The following USP54 variants were observed in gnomAD, a reference collection of about 807,000 sequenced individuals.
USP54 encodes ubiquitin carboxyl-terminal hydrolase 54.
Under a neutral mutation model 170.5 loss-of-function variants are expected in USP54, and 87 were observed. That is an observed-to-expected ratio of 0.51 (90% CI 0.43 to 0.61). USP54 has a LOEUF of 0.61. Among genes scored for constraint, USP54 ranks in the 20% least tolerant of loss-of-function variants. USP54 has a pLI of 0.00. For missense variants in USP54, 1,786 were observed against 2,047.8 expected, an observed-to-expected ratio of 0.87 and a Z score of 2.47; for synonymous variants, 655 against 742.8, an observed-to-expected ratio of 0.88 and a Z score of 1.92.
intron 1 of USP54, among the ~76,000 whole-genome samples, chr10:73,587,543 T>A (rs16930728): frequency 0.035 from 5,359 of 152,240 alleles, 154 homozygotes; most frequent in South Asian, 0.11. Context: ...TAACATGCTT[T>A]TAGTGGAGAT....
intron 11 of USP54, among the ~76,000 whole-genome samples, chr10:73,535,772 G>A (rs186408614): frequency 6.2e-4 from 94 of 152,166 alleles, no homozygotes; most frequent in Middle Eastern, 3.4e-3. Context: ...TCGAACTCCA[G>A]GGCTCAAGTG....
chr10:73,554,679 C>G (rs2070516151), intron 4 of USP54, among the ~76,000 whole-genome samples: 1 of 152,202 alleles, frequency 6.6e-6, no homozygotes, highest in African/African-American at 2.4e-5. Context: ...TCAACTTCAA[C>G]AATTATCAAC....
chr10:73,520,109 G>A, intron 18 of USP54, 117 bp from the exon 19 acceptor site: 1 of 1,405,100 alleles, frequency 7.1e-7, no homozygotes, highest in Non-Finnish European at 9.6e-7. Context: ...ATATGTAGCA[G>A]GAACGCAAGG....
intron 1 of USP54, among the ~76,000 whole-genome samples, chr10:73,587,461 C>A (rs967624273): frequency 2.6e-5 from 4 of 151,486 alleles, no homozygotes; most frequent in Non-Finnish European, 4.4e-5. Context: ...GGCAACAGAG[C>A]GAGACTCCAT....
chr10:73,521,169 T>C lies in USP54; in HGVS notation c.2363-142A>G, dbSNP rs1589978477. The C allele has an allele frequency of 4.8e-5, 58 of 1,208,024 alleles. No individual in the cohort carries two copies. In the East Asian group the frequency reaches 1.4e-3, roughly 30 times the overall value. 74.8% of individuals were successfully genotyped at this position (1,208,024 alleles called of 1,614,324 possible). On this transcript the variant is annotated intron_variant, in intron 17 of 23. Coordinates refer to ENST00000687698, the MANE Select transcript of USP54 (RefSeq NM_001391956.1). ...TCCAACTGTCTATTCCTATTAAGAA[T>C]TATCTGAAAACAAGCAGGACATCCA...
rs1468954417 is a variant in USP54 at position 73,516,596 on chromosome 10, C to T, written c.3830G>A (p.Gly1277Glu). Residue 1277 changes from glycine to glutamate, a missense_variant, in exon 20 of 24, where the codon GGG (glycine) becomes GAG (glutamate). Transcript: ENST00000687698. ...GGACTTCATTCCTGGCCTAGGTGCC[C>T]CATGCTTAAGCTGAGAATCACAGAA... ...TRFCDSQLKH[G>E]APRPGMKSSP... The T allele has an allele frequency of 6.2e-7, 1 of 1,614,188 alleles. No homozygotes were observed. Among genetic ancestry groups the T allele is most frequent in the Non-Finnish European group, 8.5e-7 (1 of 1,180,028 alleles).
At chr10:73,539,936 GC>G (rs2044483935) in intron 9 of USP54, among the ~76,000 whole-genome samples, 1 of 151,704 alleles carries the variant, frequency 6.6e-6, no homozygotes, top group African/African-American at 2.4e-5. Flanking sequence ...GACCAGCCTG[GC>G]CAACATAGTG....
intron 4 of USP54, among the ~76,000 whole-genome samples, chr10:73,561,104 CAAAAAAAA>C (rs919887025): frequency 3.3e-5 from 1 of 30,492 alleles, no homozygotes; most frequent in Non-Finnish European, 8.0e-5. Context: ...GACTCCATCT[CAAAAAAAA>C]AAAAAAAAAA....
chr10:73,620,755 T>A (rs2081027283), intron 1 of USP54, among the ~76,000 whole-genome samples: 1 of 150,370 alleles, frequency 6.7e-6, no homozygotes, highest in Non-Finnish European at 1.5e-5. Flanking sequence ...CTGCCCAACA[T>A]GGTGAAACCC....
rs183087242 is a variant in USP54, at chr10:73,609,506, G to A, written c.-18+16061C>T. 8.0e-4 allele frequency among the ~76,000 whole-genome samples: 121 copies of A among 152,118 alleles called. No homozygotes were observed. The East Asian group carries it at 0.012, about 15-fold the overall frequency. ...GTGGGCGAATCACTTGAGGTCAGGAGTTCAAGACCAACCTGGCCAACATGG... is the reference window on the plus strand; with the variant it reads ...GTGGGCGAATCACTTGAGGTCAGGAATTCAAGACCAACCTGGCCAACATGG... On this transcript the variant is annotated intron_variant, in intron 1 of 22. Coordinates refer to the USP54 transcript ENST00000339859.
chr10:73,574,076 G>A (rs898917434), intron 3 of USP54, among the ~76,000 whole-genome samples: 1 of 152,172 alleles, frequency 6.6e-6, no homozygotes, highest in Non-Finnish European at 1.5e-5. Flanking sequence ...TTACACTGAA[G>A]AGCAGAAAAG....
At chr10:73,537,472 A>G (rs1201245326) in intron 10 of USP54, among the ~76,000 whole-genome samples, 2 of 152,154 alleles carry the variant, frequency 1.3e-5, no homozygotes, top group Non-Finnish European at 2.9e-5. Flanking sequence ...TAACTCATGC[A>G]GATCACATAA....
chr10:73,540,110 AAAAG>A (rs895725559), intron 9 of USP54, among the ~76,000 whole-genome samples: 12 of 152,052 alleles, frequency 7.9e-5, no homozygotes, highest in African/African-American at 1.7e-4. Context: ...CCATCTCAAA[AAAAG>A]AAAGAAAGAA....
intron 1 of USP54, among the ~76,000 whole-genome samples, chr10:73,618,068 G>T (rs1564968353): frequency 6.7e-6 from 1 of 149,562 alleles, no homozygotes; most frequent in Admixed American, 6.6e-5. Flanking sequence ...AAAATTAGCC[G>T]AGCTTGGTGG....
chr10:73,592,125 T>C (rs2078307224), upstream of USP54, among the ~76,000 whole-genome samples: 1 of 151,692 alleles, frequency 6.6e-6, no homozygotes, highest in Non-Finnish European at 1.5e-5. Context: ...ATGTGATCAG[T>C]CAACCGAGAA....
intron 1 of USP54, among the ~76,000 whole-genome samples, chr10:73,583,568 G>C (rs2077134076): frequency 6.6e-6 from 1 of 152,152 alleles, no homozygotes; most frequent in African/African-American, 2.4e-5. Context: ...TTACAGGCGT[G>C]AGCCACTGCA....
chr10:73,534,427 T>C (rs1483348508), intron 12 of USP54, among the ~76,000 whole-genome samples, 173 bp downstream of exon 12: 1 of 152,102 alleles, frequency 6.6e-6, no homozygotes, highest in Non-Finnish European at 1.5e-5. Context: ...TTAGCCAGGA[T>C]GGTCTCCATC....
chr10:73,527,988 T>G (rs1409059423), intron 15 of USP54, among the ~76,000 whole-genome samples: 1 of 152,084 alleles, frequency 6.6e-6, no homozygotes, highest in African/African-American at 2.4e-5. Flanking sequence ...CAGGCTGGAG[T>G]GCAGTGACGT....
chr10:73,591,374 G>C (rs929926413), upstream of USP54: 2 of 152,160 alleles, frequency 1.3e-5, no homozygotes, highest in Non-Finnish European at 2.9e-5. Flanking sequence ...GGAATAGCTA[G>C]AGCTGTGGGG....
Sources: allele counts gnomAD v4.1 joint callset (sites outside exome capture counted in the v4.1 genomes callset), GRCh38; gene constraint gnomAD v4.1.1; transcripts MANE v1.5; gene names NCBI Gene and HGNC (gene_info 2026-07-23, HGNC 2026-07-21).